ZSCAN4: variants seen among roughly 807,000 people sequenced by gnomAD.
ZSCAN4 encodes zinc finger and SCAN domain containing 4, also known as zinc finger and SCAN domain-containing protein 4.
ZSCAN4 carries 18 observed loss-of-function variants against 18.3 expected under a neutral mutation model. That is an observed-to-expected ratio of 0.98 (90% CI 0.68 to 1.46). ZSCAN4 has a LOEUF of 1.46. Among genes scored for constraint, ZSCAN4 ranks in the 40% most tolerant of loss-of-function variants. The pLI is 0.00. For missense variants in ZSCAN4, 498 were observed against 511.4 expected, an observed-to-expected ratio of 0.97 and a Z score of 0.25; for synonymous variants, 193 against 180.3, an observed-to-expected ratio of 1.07 and a Z score of -0.57.
intron 2 of ZSCAN4, among the ~76,000 whole-genome samples, chr19:57,670,824 T>A (rs995110136): frequency 6.6e-6 from 1 of 152,064 alleles, no homozygotes; most frequent in African/African-American, 2.4e-5. Flanking sequence ...GACTGAAGAT[T>A]TTTCTTCAAA....
chr19:57,655,217 G>T, the ZSCAN4 span, among the ~76,000 whole-genome samples: 1 of 152,128 alleles, frequency 6.6e-6, no homozygotes, highest in Non-Finnish European at 1.5e-5. Flanking sequence ...TCTGGCTATG[G>T]ATTCCCAACT....
chr19:57,677,667 C>G (rs1984227695), intron 3 of ZSCAN4, among the ~76,000 whole-genome samples: 1 of 152,136 alleles, frequency 6.6e-6, no homozygotes, highest in Non-Finnish European at 1.5e-5. Context: ...GCCAGAAGCT[C>G]ACAGGAAACT....
At chr19:57,654,298 C>T in the ZSCAN4 span, among the ~76,000 whole-genome samples, 8 of 152,212 alleles carry the variant, frequency 5.3e-5, no homozygotes, top group East Asian at 1.5e-3. Flanking sequence ...TGTCATTCTA[C>T]CCCTTTTATT....
chr19:57,656,730 G>A, the ZSCAN4 span, among the ~76,000 whole-genome samples: 1 of 152,206 alleles, frequency 6.6e-6, no homozygotes, highest in African/African-American at 2.4e-5. Context: ...TTCAGAATAC[G>A]TAAAACATCC....
rs1458252965 is a variant in ZSCAN4 at position 57,672,825 on chromosome 19, C to A, written c.-106+2258C>A. 1.3e-5 allele frequency among the ~76,000 whole-genome samples: 2 copies of A among 152,060 alleles called. 1 individual carries two copies. The highest frequency in any genetic ancestry group is 1.3e-4 in the Admixed American group (2 of 15,254). ...ACCATGTTGCCAGGCTGGTCTTGAA[C>A]TCCTGGCCTCAAGCGATATGCCCAC... On this transcript the variant is annotated intron_variant, in intron 2 of 4. Transcript: ENST00000318203.
chr19:57,652,732 G>A, the ZSCAN4 span, among the ~76,000 whole-genome samples: 1 of 152,172 alleles, frequency 6.6e-6, no homozygotes, highest in Non-Finnish European at 1.5e-5. Flanking sequence ...TCCTTCCCTT[G>A]TGGGAGACGG....
chr19:57,664,899 C>A, upstream of ZSCAN4: 2 of 157,410 alleles, frequency 1.3e-5, no homozygotes, highest in South Asian at 3.5e-4. Flanking sequence ...AAAGGAAAGT[C>A]CTTTTCCAGG....
the ZSCAN4 span, among the ~76,000 whole-genome samples, chr19:57,662,701 C>A: frequency 0.019 from 2,962 of 152,052 alleles, 100 homozygotes; most frequent in African/African-American, 0.068. Flanking sequence ...ACTGGGACTA[C>A]AGGCTTGAGC....
chr19:57,663,212 T>C, the ZSCAN4 span, among the ~76,000 whole-genome samples: 1 of 151,528 alleles, frequency 6.6e-6, no homozygotes, highest in African/African-American at 2.4e-5. Flanking sequence ...ATTGTTATTC[T>C]TCACTTTGAA....
the ZSCAN4 span, among the ~76,000 whole-genome samples, chr19:57,657,795 A>T: frequency 3.3e-5 from 5 of 152,162 alleles, no homozygotes; most frequent in Admixed American, 3.3e-4. Flanking sequence ...ACATAATTTA[A>T]ATTATAATTT....
the ZSCAN4 span, among the ~76,000 whole-genome samples, chr19:57,661,806 G>T: frequency 1.3e-5 from 2 of 152,176 alleles, no homozygotes; most frequent in Non-Finnish European, 2.9e-5. Flanking sequence ...ACCATGCTGG[G>T]CGCGGTGGCT....
At chr19:57,677,470 A>G (rs1984221514) in intron 3 of ZSCAN4, among the ~76,000 whole-genome samples, 1 of 152,094 alleles carries the variant, frequency 6.6e-6, no homozygotes, top group African/African-American at 2.4e-5. Context: ...GTGACACTGA[A>G]GTAAAATGCT....
the ZSCAN4 span, among the ~76,000 whole-genome samples, chr19:57,660,525 C>G: frequency 6.6e-6 from 1 of 152,112 alleles, no homozygotes; most frequent in Non-Finnish European, 1.5e-5. Flanking sequence ...AAATGAGTCT[C>G]AATTATCCAA....
At chr19:57,673,253 C>T (rs1984078733) in intron 2 of ZSCAN4, among the ~76,000 whole-genome samples, 1 of 151,936 alleles carries the variant, frequency 6.6e-6, no homozygotes. Context: ...TTCACCACGT[C>T]TCATCTCAAG....
chr19:57,676,349 C>A, exon 3 of ZSCAN4: 2 of 1,614,190 alleles, frequency 1.2e-6, no homozygotes, highest in African/African-American at 1.3e-5. Flanking sequence ...TTTATAGGAT[C>A]TTTCACTCAT....
chr19:57,654,708 C>T, the ZSCAN4 span, among the ~76,000 whole-genome samples: 1 of 152,292 alleles, frequency 6.6e-6, no homozygotes, highest in East Asian at 1.9e-4. Flanking sequence ...CCCCCACCTC[C>T]ACCACTCATT....
rs558016980 is a variant in ZSCAN4 at position 57,675,672 on chromosome 19, G to T, written c.-105-369G>T. 1.7e-4 allele frequency among the ~76,000 whole-genome samples: 26 copies of T among 152,272 alleles called. No individual in the cohort carries two copies. In the East Asian group the frequency reaches 4.4e-3, roughly 26 times the overall value. On this transcript the variant is annotated intron_variant, in intron 2 of 4. Coordinates refer to ENST00000318203, the Ensembl canonical transcript of ZSCAN4. ...ACATTTTAAATGCATTCATTGAGAT[G>T]ATTTTATTATGTTCTTGTATCCATA...
chr19:57,677,337 T>C (rs1243560379), intron 3 of ZSCAN4, among the ~76,000 whole-genome samples: 2 of 152,178 alleles, frequency 1.3e-5, no homozygotes, highest in Non-Finnish European at 2.9e-5. Flanking sequence ...CCAGGTGAGG[T>C]TGAACAAGGC....
chr19:57,669,951 G>A (rs1405094806), intron 1 of ZSCAN4, among the ~76,000 whole-genome samples: 1 of 152,074 alleles, frequency 6.6e-6, no homozygotes, highest in Non-Finnish European at 1.5e-5. Flanking sequence ...CTCCCAGGCT[G>A]GAATGCAGTG....
Sources: gnomAD v4.1 joint callset for allele counts (sites outside exome capture counted in the v4.1 genomes callset) on GRCh38, gnomAD v4.1.1 for gene constraint, MANE v1.5 for transcripts, NCBI Gene and HGNC (gene_info 2026-07-23, HGNC 2026-07-21) for gene names.